The following SRGAP2 variants were observed in gnomAD, a reference collection of about 807,000 sequenced individuals.
SRGAP2 encodes SLIT-ROBO Rho GTPase activating protein 2, also known as SLIT-ROBO Rho GTPase-activating protein 2.
A neutral mutation model predicts 57.2 loss-of-function variants in SRGAP2; 15 were observed. That is an observed-to-expected ratio of 0.26 (90% CI 0.18 to 0.40). SRGAP2 has a LOEUF of 0.40. Among genes scored for constraint, SRGAP2 ranks in the 10% least tolerant of loss-of-function variants. SRGAP2 has a pLI of 1.00. For missense variants in SRGAP2, 520 were observed against 669.6 expected (o/e 0.78, Z 2.47); for synonymous variants, 249 against 248.0 (o/e 1.00, Z -0.04).
chr1:206,212,095 A>T (rs1269735569), intron 2 of SRGAP2, among the ~76,000 whole-genome samples: 14 of 152,198 alleles, frequency 9.2e-5, no homozygotes, highest in Admixed American at 7.8e-4. Context: ...TCGTTCATTG[A>T]TGAACACTTG....
At chr1:206,397,659 C>G (rs144819530) in intron 7 of SRGAP2, among the ~76,000 whole-genome samples, 2,056 of 146,590 alleles carry the variant, frequency 0.014, 68 homozygotes, top group Non-Finnish European at 0.023. Flanking sequence ...AAAAGACGTT[C>G]TGAGCTCATT....
At chr1:206,210,403 CTTTTT>C (rs71568077) in intron 2 of SRGAP2, among the ~76,000 whole-genome samples, 3 of 31,800 alleles carry the variant, frequency 9.4e-5, no homozygotes, top group South Asian at 1.1e-3. Flanking sequence ...GGGGTCTTGT[CTTTTT>C]TTTTTTTTTT....
chr1:206,357,408 G>C (rs2102977838), intron 4 of SRGAP2, among the ~76,000 whole-genome samples: 1 of 151,184 alleles, frequency 6.6e-6, no homozygotes, highest in East Asian at 1.9e-4. Flanking sequence ...AAAAATGAGA[G>C]TTACATTATA....
At chr1:206,421,515 A>T (rs994921908) in intron 13 of SRGAP2, among the ~76,000 whole-genome samples, 1 of 152,188 alleles carries the variant, frequency 6.6e-6, no homozygotes, top group Non-Finnish European at 1.5e-5. Context: ...CTTGCATACT[A>T]GGGGTTTGGT....
At chr1:206,453,437 G>T in intron 20 of SRGAP2, 57 bp downstream of exon 20, 1 of 509,888 alleles carries the variant, frequency 2.0e-6, no homozygotes, top group South Asian at 3.1e-5. Flanking sequence ...ATGGGAGTGA[G>T]ACTTCATTTC....
intron 13 of SRGAP2, among the ~76,000 whole-genome samples, chr1:206,423,303 G>A (rs1421685488): frequency 2.0e-5 from 3 of 152,112 alleles, no homozygotes; most frequent in Non-Finnish European, 2.9e-5. Context: ...GTCCTCTCAC[G>A]ATGTCTCTCT....
chr1:206,375,831 C>G (rs1190373665), intron 4 of SRGAP2, among the ~76,000 whole-genome samples: 2 of 151,990 alleles, frequency 1.3e-5, no homozygotes, highest in African/African-American at 2.4e-5. Context: ...CACATCATGC[C>G]AAGGAATGGA....
intron 2 of SRGAP2, among the ~76,000 whole-genome samples, chr1:206,247,506 A>C (rs1289219289): frequency 6.6e-6 from 1 of 152,120 alleles, no homozygotes; most frequent in Non-Finnish European, 1.5e-5. Flanking sequence ...GTCCTTAATT[A>C]TCCTACTAAA....
At chr1:206,443,531 C>T (rs868990990) in intron 17 of SRGAP2, among the ~76,000 whole-genome samples, 9 of 152,198 alleles carry the variant, frequency 5.9e-5, no homozygotes, top group South Asian at 4.2e-4. Flanking sequence ...CATACCTCCA[C>T]GCCAGACTAA....
intron 5 of SRGAP2, among the ~76,000 whole-genome samples, chr1:206,386,377 C>A (rs553839870): frequency 6.8e-5 from 10 of 147,614 alleles, no homozygotes; most frequent in Admixed American, 2.7e-4. Flanking sequence ...ACCTCTATGA[C>A]CTTGGTGTCT....
chr1:206,216,485 A>G (rs1348825132), intron 2 of SRGAP2, among the ~76,000 whole-genome samples: 1 of 149,666 alleles, frequency 6.7e-6, no homozygotes, highest in African/African-American at 2.5e-5. Context: ...GTTGACCTGA[A>G]AAAGGAACTG....
At chr1:206,289,332 G>T (rs1166160264) in intron 2 of SRGAP2, among the ~76,000 whole-genome samples, 1 of 146,962 alleles carries the variant, frequency 6.8e-6, no homozygotes, top group Admixed American at 6.7e-5. Context: ...GAGTGCAGTG[G>T]TGCCATCTCA....
At chr1:206,418,093 C>G (rs1295922267) in intron 11 of SRGAP2, among the ~76,000 whole-genome samples, 3 of 150,736 alleles carry the variant, frequency 2.0e-5, no homozygotes, top group African/African-American at 7.4e-5. Context: ...ATGACAAGTT[C>G]TAGCAATAAA....
At chr1:206,457,505 A>G (rs1299215636) in intron 21 of SRGAP2, among the ~76,000 whole-genome samples, 1 of 152,192 alleles carries the variant, frequency 6.6e-6, no homozygotes, top group Non-Finnish European at 1.5e-5. Context: ...AAATCCTTGC[A>G]GAGAGGGGGT....
In SRGAP2 at chr1:206,241,909, T is replaced by A. The variant is rs1354065387; in HGVS notation, c.67+35872T>A. 4.9e-5 allele frequency among the ~76,000 whole-genome samples: 6 copies of A among 121,814 alleles called. No individual in the cohort carries two copies. The Admixed American group carries it at 5.0e-4, about 10-fold the overall frequency. 79.9% of individuals were successfully genotyped at this position (121,814 alleles called of 152,430 possible). A position where few individuals can be genotyped will look rare whatever the true frequency, so the allele number is the denominator to read the frequency against. On this transcript the variant is annotated intron_variant, in intron 2 of 22. Transcript: ENST00000573034. Reference sequence around the variant, plus strand: ...TTATTTTTTAATGCTGGGAGGTGTTTGCGTGTGTGTGTGTGTGTGTGTGTG... The same window carrying A: ...TTATTTTTTAATGCTGGGAGGTGTTAGCGTGTGTGTGTGTGTGTGTGTGTG...
intron 1 of SRGAP2, chr1:206,204,492 AAAGGAAAGACC>A (rs1175134589): frequency 1.4e-5 from 1 of 71,920 alleles, no homozygotes; most frequent in African/African-American, 7.1e-5. Flanking sequence ...GCTCGGAGGA[AAAGGAAAGACC>A]AAGTAGAAAG....
intron 4 of SRGAP2, among the ~76,000 whole-genome samples, chr1:206,365,313 C>T (rs1653882821): frequency 6.6e-6 from 1 of 151,098 alleles, no homozygotes; most frequent in African/African-American, 2.4e-5. Context: ...GTACACCCCT[C>T]TTATATTCTG....
Position 206,303,480 on chromosome 1 carries a change from G to T in SRGAP2, c.260+7G>T. Reference sequence around the variant, plus strand: ...CCAAGGACCAGCAATTCAAGTAGGGGCTCTGTGGCTATTACTCTCTGAGAC... The same window carrying T: ...CCAAGGACCAGCAATTCAAGTAGGGTCTCTGTGGCTATTACTCTCTGAGAC... On this transcript the variant is annotated splice_region_variant and intron_variant, in intron 3 of 22. Coordinates refer to ENST00000573034, the MANE Select transcript of SRGAP2 (RefSeq NM_015326.5). The T allele has an allele frequency of 6.8e-7, 1 of 1,480,772 alleles. No individual in the cohort carries two copies. Among genetic ancestry groups the T allele is most frequent in the Non-Finnish European group, 8.9e-7 (1 of 1,118,026 alleles). The allele number at this position is 1,480,772 out of a possible 1,614,324, so 91.7% of individuals were successfully genotyped here.
chr1:206,341,930 G>A (rs1409701522), intron 3 of SRGAP2, among the ~76,000 whole-genome samples: 5 of 152,118 alleles, frequency 3.3e-5, no homozygotes, highest in African/African-American at 4.8e-5. Flanking sequence ...CGCGGGAGGC[G>A]GAGGTTGCAG....
Sources: allele counts gnomAD v4.1 joint callset (sites outside exome capture counted in the v4.1 genomes callset), GRCh38; gene constraint gnomAD v4.1.1; transcripts MANE v1.5; gene names NCBI Gene and HGNC (gene_info 2026-07-23, HGNC 2026-07-21).